The following PPP1R13B variants were observed in gnomAD, a reference collection of about 807,000 sequenced individuals.
PPP1R13B encodes protein phosphatase 1 regulatory subunit 13B.
PPP1R13B carries 44 observed loss-of-function variants against 119.8 expected under a neutral mutation model. The observed-to-expected ratio is 0.37, with a 90% CI of 0.29 to 0.47. PPP1R13B has a LOEUF of 0.47. PPP1R13B is among the 20% of genes least tolerant of loss of function. The pLI, the probability that PPP1R13B is intolerant of heterozygous loss-of-function variation, is 0.99. For missense variants in PPP1R13B, 1,227 were observed against 1,413.5 expected, an observed-to-expected ratio of 0.87 and a Z score of 2.12; for synonymous variants, 542 against 561.5, an observed-to-expected ratio of 0.97 and a Z score of 0.49.
chr14:103,742,645 C>T lies in PPP1R13B; in HGVS notation c.1320+9G>A. ...CCGCTTGTGTTCTGTGGTAAAGACACAGGCCTACCGGCTTCTCCGTGGGTC... is the reference window on the plus strand; with the variant it reads ...CCGCTTGTGTTCTGTGGTAAAGACATAGGCCTACCGGCTTCTCCGTGGGTC... On this transcript the variant is annotated intron_variant, in intron 10 of 16. Transcript: ENST00000202556. The surrounding 1 kb of genome is among the most constrained non-coding windows in gnomAD (Gnocchi z 4.9). The T allele has an allele frequency of 1.2e-6, 2 of 1,612,786 alleles. No homozygotes were observed. The highest frequency in any genetic ancestry group is 1.7e-6 in the Non-Finnish European group (2 of 1,179,496).
intron 4 of PPP1R13B, among the ~76,000 whole-genome samples, chr14:103,775,067 G>C (rs769548843): frequency 3.3e-5 from 5 of 151,970 alleles, no homozygotes; most frequent in African/African-American, 9.7e-5. Flanking sequence ...ACTTCATCAA[G>C]GAAAAGGTCT....
chr14:103,748,066 TACACACACACACACACACACAC>T (rs58398068), intron 8 of PPP1R13B, among the ~76,000 whole-genome samples: 136 of 138,240 alleles, frequency 9.8e-4, no homozygotes, highest in Non-Finnish European at 1.3e-3. Context: ...TTAAATCACA[TACACACACACACACACACACAC>T]ACACACACAC....
chr14:103,821,707 C>T (rs147354539), intron 1 of PPP1R13B, among the ~76,000 whole-genome samples: 3,228 of 152,012 alleles, frequency 0.021, 61 homozygotes, highest in Non-Finnish European at 0.035. Context: ...GCTGAGATTG[C>T]GCCATTGCAC....
chr14:103,803,855 T>G (rs1486640076), intron 1 of PPP1R13B, among the ~76,000 whole-genome samples: 1 of 152,118 alleles, frequency 6.6e-6, no homozygotes, highest in African/African-American at 2.4e-5. Flanking sequence ...CTGACAGTAC[T>G]CTCTACCCAT....
In PPP1R13B at chr14:103,756,728, A is replaced by AT. The variant is rs2084685675; in HGVS notation, c.456+921dup. 2.0e-5 allele frequency among the ~76,000 whole-genome samples: 3 copies of AT among 151,940 alleles called. No individual in the cohort carries two copies. In the South Asian group the frequency reaches 6.2e-4, roughly 31 times the overall value. ...AGAACATACCCAGAGGCAAAAGGAG[A>AT]TAACAAAAGCACCCTTTCTTCCCGA... On this transcript the variant is annotated intron_variant, in intron 5 of 16. Transcript: ENST00000202556.
intron 2 of PPP1R13B, among the ~76,000 whole-genome samples, chr14:103,791,865 G>C (rs1177661455): frequency 1.3e-5 from 2 of 151,986 alleles, no homozygotes; most frequent in East Asian, 3.9e-4. Context: ...TAACTGCAAG[G>C]CCTATATTTA....
chr14:103,735,441 CT>C (rs2084079677), intron 16 of PPP1R13B, among the ~76,000 whole-genome samples: 1 of 152,226 alleles, frequency 6.6e-6, no homozygotes, highest in Non-Finnish European at 1.5e-5. Context: ...TTGTGACTGC[CT>C]GTGGCTCTCA....
In PPP1R13B at chr14:103,734,033, T is replaced by C. The variant is rs2084022474; in HGVS notation, c.*1121A>G. ...AATTTCCAACATAGTTCGGGTAGCT[T>C]TGAATGGTCTAGTCAAAAAATACTT... On this transcript the variant is annotated 3_prime_UTR_variant, in exon 17 of 17. Coordinates refer to ENST00000202556, the MANE Select transcript of PPP1R13B (RefSeq NM_015316.3). 1 of 160,300 alleles carries C rather than the reference T, an allele frequency of 6.2e-6. No homozygotes were observed. Among genetic ancestry groups the C allele is most frequent in the Admixed American group, 5.8e-5 (1 of 17,334 alleles). 9.9% of individuals were successfully genotyped at this position (160,300 alleles called of 1,614,324 possible).
intron 1 of PPP1R13B, among the ~76,000 whole-genome samples, chr14:103,812,148 TAG>T (rs1282950735): frequency 7.7e-6 from 1 of 129,398 alleles, no homozygotes; most frequent in East Asian, 2.3e-4. Context: ...TTTTTTTTTC[TAG>T]ACAGTCTCTG....
At chr14:103,765,528 C>T (rs1482285238) in intron 4 of PPP1R13B, among the ~76,000 whole-genome samples, 1 of 152,214 alleles carries the variant, frequency 6.6e-6, no homozygotes, top group Non-Finnish European at 1.5e-5. Context: ...TCAGCAGCAA[C>T]ATCTTTGATT....
chr14:103,832,717 A>T (rs552507786), intron 1 of PPP1R13B, among the ~76,000 whole-genome samples: 1 of 152,262 alleles, frequency 6.6e-6, no homozygotes, highest in Non-Finnish European at 1.5e-5. Context: ...CCAGCATCCC[A>T]GCACTTTGGG....
chr14:103,776,167 A>AGG (rs1567114122), intron 4 of PPP1R13B, among the ~76,000 whole-genome samples: 71 of 90,184 alleles, frequency 7.9e-4, no homozygotes, highest in African/African-American at 4.0e-3. Flanking sequence ...GGAGGAAGGG[A>AGG]AGGAGGGAGG....
Position 103,738,589 on chromosome 14 carries a change from C to G in PPP1R13B, c.2864+90G>C. 2.6e-6 allele frequency: 4 copies of G among 1,548,708 alleles called. No individual in the cohort carries two copies. The highest frequency in any genetic ancestry group is 3.5e-6 in the Non-Finnish European group (4 of 1,135,934). On this transcript the variant is annotated intron_variant, in intron 14 of 16. Coordinates refer to ENST00000202556, the MANE Select transcript of PPP1R13B (RefSeq NM_015316.3). The surrounding 1 kb of genome is among the most constrained non-coding windows in gnomAD (Gnocchi z 5.6). ...GTGTTCTTGCTCTAATTCTCTCTTC[C>G]GTGCTTCCTAATTGTCTAGAACACG... is the stretch of plus-strand genomic sequence containing the variant.
intron 7 of PPP1R13B, among the ~76,000 whole-genome samples, chr14:103,752,037 G>A (rs1203273171): frequency 6.6e-6 from 1 of 152,206 alleles, no homozygotes; most frequent in African/African-American, 2.4e-5. Context: ...CATACAGGGT[G>A]TGTTTTGGTT....
chr14:103,817,486 T>C (rs73367067), intron 1 of PPP1R13B, among the ~76,000 whole-genome samples: 3,487 of 152,282 alleles, frequency 0.023, 134 homozygotes, highest in African/African-American at 0.079. Flanking sequence ...TTTAAAAATA[T>C]GTTTTCACAA....
intron 2 of PPP1R13B, among the ~76,000 whole-genome samples, chr14:103,792,299 T>G (rs1369841269): frequency 6.6e-6 from 1 of 151,976 alleles, no homozygotes; most frequent in Non-Finnish European, 1.5e-5. Context: ...CACCTCAACC[T>G]CTCTAGTAGC....
Position 103,735,211 on chromosome 14 carries a change from G to A in PPP1R13B, c.3232-16C>T. ...GTGGATACAGCTGGGAAGCAACGGA[G>A]CCGCGTCAGGACAGGAAGCCACACA... On this transcript the variant is annotated splice_polypyrimidine_tract_variant and intron_variant, in intron 16 of 16. Coordinates refer to ENST00000202556, the MANE Select transcript of PPP1R13B (RefSeq NM_015316.3). 1 of 1,613,812 alleles carries A rather than the reference G, an allele frequency of 6.2e-7. No individual in the cohort carries two copies. Among genetic ancestry groups the A allele is most frequent in the Middle Eastern group, 1.7e-4 (1 of 5,922 alleles).
intron 11 of PPP1R13B, among the ~76,000 whole-genome samples, chr14:103,741,427 C>A (rs182872308): frequency 2.6e-5 from 4 of 152,228 alleles, no homozygotes; most frequent in African/African-American, 9.6e-5. Context: ...CCAGGAGGGC[C>A]AGTGGTCAAG....
intron 7 of PPP1R13B, 21 bp downstream of exon 7, chr14:103,752,979 A>G: frequency 6.2e-7 from 1 of 1,606,808 alleles, no homozygotes; most frequent in Non-Finnish European, 8.5e-7. Flanking sequence ...TAATACAACC[A>G]TTGCCAGACC....
Sources: gnomAD v4.1 joint callset for allele counts (sites outside exome capture counted in the v4.1 genomes callset) on GRCh38, gnomAD v4.1.1 for gene constraint, Gnocchi (gnomAD v3.1) non-coding constraint, MANE v1.5 for transcripts, NCBI Gene and HGNC (gene_info 2026-07-23, HGNC 2026-07-21) for gene names.